Variants in TJP2 observed in about 807,000 individuals in gnomAD.
The protein encoded by TJP2 is tight junction protein 2, also known as Friedreich ataxia region gene X104 (tight junction protein ZO-2).
A neutral mutation model predicts 133.1 loss-of-function variants in TJP2; 91 were observed. The observed-to-expected ratio is 0.68, with a 90% CI of 0.58 to 0.81. The LOEUF (loss-of-function observed/expected upper bound fraction) is 0.81. TJP2 is among the 40% of genes least tolerant of loss of function. The pLI is 0.00. For synonymous variants in TJP2, 592 were observed against 583.4 expected (o/e 1.01, Z -0.21); for missense variants, 1,541 against 1,565.6 (o/e 0.98, Z 0.26).
chr9:69,199,896 T>A (rs540985500), intron 1 of TJP2, among the ~76,000 whole-genome samples: 104 of 152,282 alleles, frequency 6.8e-4, no homozygotes, highest in African/African-American at 2.4e-3. Context: ...CTTCCCTATT[T>A]GTAAAATGGG....
chr9:69,175,722 A>T (rs932136957), intron 1 of TJP2, among the ~76,000 whole-genome samples: 8 of 152,186 alleles, frequency 5.3e-5, no homozygotes, highest in African/African-American at 1.9e-4. Context: ...TGGACAGGGT[A>T]CTGGAGCTTC....
In TJP2 at chr9:69,237,088, T is replaced by A; in HGVS notation, c.2131T>A (p.Ser711Thr). Reference sequence around the variant, plus strand: ...TCGGGAAGACCTCACAGCTGTTGTGTCTGTCAGCACCAAGTTCCCAGCTTA... The same window carrying A: ...TCGGGAAGACCTCACAGCTGTTGTGACTGTCAGCACCAAGTTCCCAGCTTA... ...KSREDLTAVV[S>T]VSTKFPAYER... The change falls in exon 14 of 23, where the codon TCT (serine) becomes ACT (threonine). Residue 711 changes from serine to threonine, a missense_variant. Ser to Thr is a moderately conservative substitution (Grantham distance 58, BLOSUM62 1). Transcript: ENST00000377245. 6.2e-7 allele frequency: 1 copy of A among 1,614,128 alleles called. No individual in the cohort carries two copies. Among genetic ancestry groups the A allele is most frequent in the Non-Finnish European group, 8.5e-7 (1 of 1,180,022 alleles).
chr9:69,155,015 C>T (rs1487100059), intron 2 of TJP2, among the ~76,000 whole-genome samples: 1 of 151,518 alleles, frequency 6.6e-6, no homozygotes, highest in African/African-American at 2.4e-5. Flanking sequence ...GTCAGGAGTT[C>T]CAGACCAGCC....
chr9:69,142,605 T>C (rs1823061043), intron 1 of TJP2, among the ~76,000 whole-genome samples: 1 of 152,148 alleles, frequency 6.6e-6, no homozygotes, highest in South Asian at 2.1e-4. Flanking sequence ...AAACAGACTG[T>C]ACAGGGCATT....
chr9:69,152,894 G>A (rs539765389), intron 2 of TJP2, among the ~76,000 whole-genome samples: 87 of 128,120 alleles, frequency 6.8e-4, no homozygotes, highest in African/African-American at 2.5e-3. Flanking sequence ...GCAGTGGTGC[G>A]ATCTCGGCTC....
intron 1 of TJP2, among the ~76,000 whole-genome samples, chr9:69,136,796 A>T (rs1275121627): frequency 6.6e-6 from 1 of 152,120 alleles, no homozygotes; most frequent in Non-Finnish European, 1.5e-5. Flanking sequence ...GGGTGTGTTC[A>T]CTCAGGCTTC....
chr9:69,219,967 A>C (rs894053948), intron 4 of TJP2, among the ~76,000 whole-genome samples: 10 of 152,094 alleles, frequency 6.6e-5, no homozygotes, highest in African/African-American at 2.4e-4. Context: ...CCTGGCCAAC[A>C]TGGTGAAACC....
Position 69,240,113 on chromosome 9 carries a change from C to G in TJP2, c.2532C>G (p.Asn844Lys). The stretch of plus-strand genomic sequence containing the variant: ...CTCGAAAGTTATTTGATCAAGCCAA[C>G]AAGCTTAAAAAAACGTGTGCACACC... The part of the protein sequence containing the change: ...KSSRKLFDQA[N>K]KLKKTCAHLF... Residue 844 changes from asparagine to lysine, a missense_variant, in exon 17 of 23, where the codon AAC (asparagine) becomes AAG (lysine). Asn to Lys is a moderately conservative substitution (Grantham distance 94). Coordinates refer to ENST00000377245, the MANE Select transcript of TJP2 (RefSeq NM_004817.4). The G allele has an allele frequency of 1.9e-6, 3 of 1,613,898 alleles. 1 individual carries two copies. The South Asian group carries it at 3.3e-5, about 18-fold the overall frequency.
intron 15 of TJP2, among the ~76,000 whole-genome samples, 185 bp downstream of exon 15, chr9:69,238,158 A>G (rs567678505): frequency 1.3e-5 from 2 of 152,250 alleles, no homozygotes; most frequent in Non-Finnish European, 2.9e-5. Flanking sequence ...ACACATACAC[A>G]TACTCTTTGA....
chr9:69,207,922 G>T (rs1455898114), intron 1 of TJP2, among the ~76,000 whole-genome samples: 1 of 152,172 alleles, frequency 6.6e-6, no homozygotes, highest in African/African-American at 2.4e-5. Flanking sequence ...AATGAGGCAG[G>T]AAAGACACTC....
Position 69,221,239 on chromosome 9 carries a change from C to T in TJP2, c.695C>T (p.Ser232Phe), listed in dbSNP as rs1563925673. 2 of 1,607,352 alleles carry T rather than the reference C, an allele frequency of 1.2e-6. No individual in the cohort carries two copies. Among genetic ancestry groups the T allele is most frequent in the Non-Finnish European group, 1.7e-6 (2 of 1,177,302 alleles). The change falls in exon 5 of 23, where the codon TCC (serine) becomes TTC (phenylalanine). Residue 232 changes from serine (S) to phenylalanine (F), a missense_variant. Transcript: ENST00000377245. ...ERGLDHDFGP[S>F]RDRDRDRSRG... ...GGCCTGGACCACGACTTTGGGCCAT[C>T]CCGGGACCGGGACCGTGACCGCAGC...
chr9:69,209,510 T>C (rs1474426724), intron 1 of TJP2, among the ~76,000 whole-genome samples: 1 of 151,444 alleles, frequency 6.6e-6, no homozygotes, highest in Non-Finnish European at 1.5e-5. Flanking sequence ...TCCCAGCGCT[T>C]TGGGAGGCCG....
chr9:69,213,365 C>T (rs1158664871), intron 2 of TJP2, among the ~76,000 whole-genome samples: 1 of 152,056 alleles, frequency 6.6e-6, no homozygotes, highest in Non-Finnish European at 1.5e-5. Context: ...CCAGACGGTT[C>T]CGCATTTTTA....
chr9:69,181,084 G>GT (rs1404963686), intron 1 of TJP2, among the ~76,000 whole-genome samples: 3 of 152,036 alleles, frequency 2.0e-5, no homozygotes, highest in Non-Finnish European at 4.4e-5. Context: ...GTAGATGATC[G>GT]TTTGTTAGAA....
At chr9:69,228,219 A>AAAG in intron 9 of TJP2, 105 bp downstream of exon 9, 2 of 1,381,142 alleles carry the variant, frequency 1.4e-6, no homozygotes, top group Non-Finnish European at 2.0e-6. Flanking sequence ...ACGTGGATGC[A>AAAG]GCTGGAGGCC....
At chr9:69,241,050 T>C (rs1830549586) in intron 17 of TJP2, among the ~76,000 whole-genome samples, 1 of 152,184 alleles carries the variant, frequency 6.6e-6, no homozygotes, top group South Asian at 2.1e-4. Flanking sequence ...CAAGACTTGG[T>C]AGTTGTTAGT....
intron 2 of TJP2, among the ~76,000 whole-genome samples, chr9:69,168,262 T>C (rs912940903): frequency 2.6e-5 from 4 of 152,190 alleles, no homozygotes; most frequent in African/African-American, 9.7e-5. Flanking sequence ...ACATCTATGA[T>C]TGCTATAAAG....
At position 69,254,891 on chromosome 9, in the gene TJP2, A is replaced by G. The variant is rs1186340989; in HGVS notation, c.*517A>G. On this transcript the variant is annotated 3_prime_UTR_variant, in exon 23 of 23. Transcript: ENST00000377245. ...GAAGCTTTAGGCAGAGCCATAATGG[A>G]CTAAAACATTTTGACTAAGTTTTTA... The G allele has an allele frequency of 2.5e-6, 1 of 397,070 alleles. No homozygotes were observed. Among genetic ancestry groups the G allele is most frequent in the African/African-American group, 2.1e-5 (1 of 48,766 alleles). 24.6% of individuals were successfully genotyped at this position (397,070 alleles called of 1,614,324 possible). A position where few individuals can be genotyped will look rare whatever the true frequency, so the allele number is the denominator to read the frequency against.
chr9:69,237,071 A>G lies in TJP2; in HGVS notation c.2114A>G (p.Asp705Gly). Reference sequence around the variant, plus strand: ...AAGAACCTGAGGAAAAGTCGGGAAGACCTCACAGCTGTTGTGTCTGTCAGC... The same window carrying G: ...AAGAACCTGAGGAAAAGTCGGGAAGGCCTCACAGCTGTTGTGTCTGTCAGC... ...VKKNLRKSRE[D>G]LTAVVSVSTK... The change falls in exon 14 of 23, where the codon GAC becomes GGC. Residue 705 changes from aspartate (D) to glycine (G), a missense_variant. Transcript: ENST00000377245. 1 of 1,614,062 alleles carries G rather than the reference A, an allele frequency of 6.2e-7. No homozygotes were observed. Among genetic ancestry groups the G allele is most frequent in the Non-Finnish European group, 8.5e-7 (1 of 1,180,018 alleles).
Sources: allele counts gnomAD v4.1 joint callset (sites outside exome capture counted in the v4.1 genomes callset), GRCh38; gene constraint gnomAD v4.1.1; transcripts MANE v1.5; gene names NCBI Gene and HGNC (gene_info 2026-07-23, HGNC 2026-07-21).